Variants in PDE4D observed in about 807,000 individuals in gnomAD.
The protein encoded by PDE4D is phosphodiesterase 4D, also known as 3',5'-cyclic-AMP phosphodiesterase 4D.
Under a neutral mutation model 87.4 loss-of-function variants are expected in PDE4D, and 24 were observed. That is an observed-to-expected ratio of 0.27 (90% confidence interval 0.20 to 0.39). The LOEUF (loss-of-function observed/expected upper bound fraction) is 0.39, where lower values mean the gene tolerates loss of function less well. PDE4D is among the 10% of genes least tolerant of loss of function. The probability of loss-of-function intolerance (pLI) is 1.00; values close to 1 mark genes in which losing one functional copy is unlikely to be tolerated. For synonymous variants in PDE4D, 384 were observed against 383.2 expected, an observed-to-expected ratio of 1.00 and a Z score of -0.02; for missense variants, 714 against 1,041.0, an observed-to-expected ratio of 0.69 and a Z score of 4.32.
At chr5:59,974,575 T>C (rs1001196551) in intron 3 of PDE4D, among the ~76,000 whole-genome samples, 7 of 152,288 alleles carry the variant, frequency 4.6e-5, no homozygotes, top group Non-Finnish European at 1.0e-4. Context: ...ACCTACTTAC[T>C]GGGACTAGGA....
At chr5:59,392,675 G>A (rs1386838478) in intron 1 of PDE4D, among the ~76,000 whole-genome samples, 1 of 152,058 alleles carries the variant, frequency 6.6e-6, no homozygotes, top group Admixed American at 6.6e-5. Context: ...ACTGTGAGGA[G>A]CTCAGAAGTC....
intron 5 of PDE4D, chr5:59,174,228 T>G (rs942614960): frequency 3.9e-5 from 6 of 152,236 alleles, no homozygotes; most frequent in African/African-American, 1.4e-4. Context: ...ATTATTTGGA[T>G]AGTTTACTTT....
At chr5:60,024,152 A>G (rs1459295011) in intron 2 of PDE4D, among the ~76,000 whole-genome samples, 1 of 152,192 alleles carries the variant, frequency 6.6e-6, no homozygotes, top group Non-Finnish European at 1.5e-5. Context: ...TTCTAATTCA[A>G]CTATAAGTGA....
chr5:59,574,638 C>T (rs1822825584), intron 1 of PDE4D, among the ~76,000 whole-genome samples: 1 of 152,092 alleles, frequency 6.6e-6, no homozygotes, highest in Non-Finnish European at 1.5e-5. Flanking sequence ...CCCTCGAATG[C>T]TTTATCAAAA....
At chr5:59,220,943 T>A (rs1197941241) in intron 1 of PDE4D, among the ~76,000 whole-genome samples, 1 of 152,092 alleles carries the variant, frequency 6.6e-6, no homozygotes, top group Non-Finnish European at 1.5e-5. Context: ...CCAAGTTTAA[T>A]GATGATGGTG....
chr5:59,785,997 G>C (rs1005744425), intron 1 of PDE4D, among the ~76,000 whole-genome samples: 2 of 149,300 alleles, frequency 1.3e-5, no homozygotes, highest in African/African-American at 4.9e-5. Context: ...TGGTTGGGGG[G>C]TGAGGGTGGG....
At chr5:59,604,796 C>T (rs1379983200) in intron 1 of PDE4D, among the ~76,000 whole-genome samples, 11 of 151,756 alleles carry the variant, frequency 7.2e-5, no homozygotes, top group Admixed American at 7.2e-4. Flanking sequence ...AACAGTACAC[C>T]CATACACAGT....
At chr5:60,406,542 C>A (rs961476357) in intron 1 of PDE4D, among the ~76,000 whole-genome samples, 5 of 152,154 alleles carry the variant, frequency 3.3e-5, no homozygotes, top group Admixed American at 1.3e-4. Flanking sequence ...CCATTTGAGT[C>A]TATGATTTTC....
intron 1 of PDE4D, among the ~76,000 whole-genome samples, chr5:60,342,200 T>C (rs1030839813): frequency 1.3e-5 from 2 of 152,264 alleles, no homozygotes; most frequent in East Asian, 1.9e-4. Context: ...TTTCTAGAGA[T>C]TGGTTTTCTC....
At chr5:59,432,664 G>A (rs1374761402) in intron 1 of PDE4D, among the ~76,000 whole-genome samples, 2 of 152,058 alleles carry the variant, frequency 1.3e-5, no homozygotes, top group Non-Finnish European at 2.9e-5. Flanking sequence ...TCCAGTGATT[G>A]CATACAGTTC....
At chr5:59,081,402 A>G (rs1416741228) in intron 5 of PDE4D, among the ~76,000 whole-genome samples, 2 of 151,964 alleles carry the variant, frequency 1.3e-5, no homozygotes, top group African/African-American at 4.8e-5. Flanking sequence ...ATGATAAGCA[A>G]CAGAAAAATA....
chr5:59,453,863 T>C (rs1799516140), intron 1 of PDE4D, among the ~76,000 whole-genome samples: 1 of 152,244 alleles, frequency 6.6e-6, no homozygotes, highest in Non-Finnish European at 1.5e-5. Flanking sequence ...AAACAAACTT[T>C]TATTGGAAGA....
At chr5:59,501,260 C>G (rs1006787345) in intron 1 of PDE4D, among the ~76,000 whole-genome samples, 3 of 152,092 alleles carry the variant, frequency 2.0e-5, no homozygotes, top group African/African-American at 7.2e-5. Flanking sequence ...CCCAATAAAA[C>G]AATTCAAGAG....
intron 2 of PDE4D, among the ~76,000 whole-genome samples, chr5:60,114,516 C>T (rs570303743): frequency 2.6e-5 from 4 of 152,170 alleles, no homozygotes; most frequent in South Asian, 2.1e-4. Context: ...TATGTTGTTT[C>T]AGAGCTGGAG....
chr5:60,013,457 G>A (rs901871068), intron 2 of PDE4D, among the ~76,000 whole-genome samples: 4 of 152,126 alleles, frequency 2.6e-5, no homozygotes, highest in Admixed American at 6.5e-5. Context: ...GTACCACTGT[G>A]AGTACCTCGT....
rs867802345 is a variant in PDE4D, at chr5:59,907,070, C to T, written c.272+81418G>A. On this transcript the variant is annotated intron_variant, in intron 3 of 16. Coordinates refer to the PDE4D transcript ENST00000502484. ...AGCCATAAAAAGAATGAGATAATGT[C>T]ACTGGCGGGAACACGGATGGAGTTG... 2.0e-5 allele frequency among the ~76,000 whole-genome samples: 3 copies of T among 152,150 alleles called. No individual in the cohort carries two copies. In the South Asian group the frequency reaches 6.2e-4, roughly 32 times the overall value.
chr5:59,891,332 C>A (rs953810086), intron 1 of PDE4D, among the ~76,000 whole-genome samples: 2 of 152,172 alleles, frequency 1.3e-5, no homozygotes, highest in Non-Finnish European at 2.9e-5. Flanking sequence ...AATCAATCAG[C>A]CCACAGATCA....
Position 59,893,193 on chromosome 5 carries a change from GC to G in PDE4D, c.429del (p.Trp143CysfsTer27). 1 of 1,566,204 alleles carries G rather than the reference GC, an allele frequency of 6.4e-7. No homozygotes were observed. Among genetic ancestry groups the G allele is most frequent in the South Asian group, 1.2e-5 (1 of 84,700 alleles). On this transcript the variant is annotated frameshift_variant, in exon 1 of 15. Coordinates refer to ENST00000340635, the MANE Select transcript of PDE4D (RefSeq NM_001104631.2). LOFTEE classifies it high-confidence loss of function. The part of the protein sequence containing the change: ...RPGLKKSRMS[W>X]PSSFQGLRRF... ...CGCCTGAGTCCCTGGAACGAGGAGG[GC>G]CAGGACATCCTGGATTTCTTCAGGC...
rs183834323 is a variant in PDE4D, at chr5:59,974,194, G to C, written c.272+14294C>G. Among the ~76,000 whole-genome samples, 48 of 152,120 alleles carry C rather than the reference G, an allele frequency of 3.2e-4. 1 individual carries two copies. In the East Asian group the frequency reaches 9.3e-3, roughly 29 times the overall value. On this transcript the variant is annotated intron_variant, in intron 3 of 16. Transcript: ENST00000502484. Reference sequence around the variant, plus strand: ...GCTAAAATTGGCAGCATGACGAACTGGAATAATGCTTGAATGCCAGAAATA... The same window carrying C: ...GCTAAAATTGGCAGCATGACGAACTCGAATAATGCTTGAATGCCAGAAATA...
Sources: allele counts gnomAD v4.1 joint callset (sites outside exome capture counted in the v4.1 genomes callset), GRCh38; gene constraint gnomAD v4.1.1; transcripts MANE v1.5; gene names NCBI Gene and HGNC (gene_info 2026-07-23, HGNC 2026-07-21).